The following AGPS variants were observed in gnomAD, a reference collection of about 807,000 sequenced individuals.
AGPS encodes alkylglycerone phosphate synthase, also known as alkyldihydroxyacetonephosphate synthase, peroxisomal.
Under a neutral mutation model 90.7 loss-of-function variants are expected in AGPS, and 26 were observed. The ratio of observed to expected loss-of-function variants is 0.29; its 90% CI spans 0.21 to 0.40. The LOEUF is 0.40. Ranked by LOEUF, AGPS falls within the 10% of genes least tolerant of loss-of-function variation. The probability of loss-of-function intolerance (pLI) is 1.00; values close to 1 mark genes in which losing one functional copy is unlikely to be tolerated. For synonymous variants in AGPS, 294 were observed against 285.3 expected (o/e 1.03, Z -0.31); for missense variants, 540 against 816.1 (o/e 0.66, Z 4.12).
At chr2:177,436,942 C>T (rs1021938690) in intron 4 of AGPS, 38 bp from the exon 5 acceptor site, 14 of 1,610,902 alleles carry the variant, frequency 8.7e-6, no homozygotes, top group Non-Finnish European at 1.2e-5. Context: ...ATATTTTAAG[C>T]TGTTTTTGTG....
chr2:177,398,554 G>C (rs1685247576), intron 1 of AGPS, among the ~76,000 whole-genome samples: 1 of 152,116 alleles, frequency 6.6e-6, no homozygotes, highest in South Asian at 2.1e-4. Flanking sequence ...CTCTATGCTG[G>C]ATTACCACAT....
intron 16 of AGPS, among the ~76,000 whole-genome samples, chr2:177,510,394 T>C (rs558948411): frequency 7.6e-4 from 115 of 152,310 alleles, no homozygotes; most frequent in African/African-American, 2.7e-3. Flanking sequence ...TAATACCATC[T>C]AACTGGGGCT....
Position 177,410,924 on chromosome 2 carries a change from G to T in AGPS, c.261-9345G>T, listed in dbSNP as rs147548191. 3.0e-3 allele frequency among the ~76,000 whole-genome samples: 452 copies of T among 152,260 alleles called. 2 individuals carry two copies. The highest frequency in any genetic ancestry group is 4.8e-3 in the Non-Finnish European group (327 of 68,004). On this transcript the variant is annotated intron_variant, in intron 1 of 19. Transcript: ENST00000264167. ...CCTTGACATAAGGGGCATGGACGAG[G>T]GGGTAGCTTATTTCTATTCGGACAA...
At chr2:177,418,499 C>T (rs946777136) in intron 1 of AGPS, among the ~76,000 whole-genome samples, 1 of 151,924 alleles carries the variant, frequency 6.6e-6, no homozygotes, top group Non-Finnish European at 1.5e-5. Context: ...GAGATTTTTG[C>T]ATTTATTTTG....
chr2:177,499,736 G>A lies in AGPS; in HGVS notation c.1475+6G>A. The A allele has an allele frequency of 6.4e-7, 1 of 1,567,650 alleles. No individual in the cohort carries two copies. The highest frequency in any genetic ancestry group is 8.8e-7 in the Non-Finnish European group (1 of 1,138,404). On this transcript the variant is annotated splice_donor_region_variant and intron_variant, in intron 14 of 19. Transcript: ENST00000264167. The stretch of plus-strand genomic sequence containing the variant: ...GATATTGCTGCAAAATTTGGGTATG[G>A]CTTCAAGTTCATAATGCCAAGAGAA...
intron 17 of AGPS, among the ~76,000 whole-genome samples, chr2:177,519,887 G>A (rs1411484600): frequency 6.6e-6 from 1 of 152,220 alleles, no homozygotes; most frequent in Non-Finnish European, 1.5e-5. Flanking sequence ...CATAGACAGA[G>A]CTGCCCCAAG....
chr2:177,443,076 T>G (rs961893163), intron 7 of AGPS, among the ~76,000 whole-genome samples: 24 of 152,166 alleles, frequency 1.6e-4, no homozygotes, highest in African/African-American at 4.8e-4. Context: ...TTTCTTTTTT[T>G]TCTAGTAGTT....
intron 10 of AGPS, among the ~76,000 whole-genome samples, chr2:177,475,024 GTGAGTTT>G (rs1159518556): frequency 6.6e-6 from 1 of 152,192 alleles, no homozygotes; most frequent in Non-Finnish European, 1.5e-5. Flanking sequence ...TTTCAATCTT[GTGAGTTT>G]TGAGTTTGAT....
rs3770000 is a variant in AGPS, at chr2:177,437,870, G to A, written c.637+816G>A. The stretch of plus-strand genomic sequence containing the variant: ...TACTTTAATGTGGGGGCAAGAGGCA[G>A]GTGAGATACACAGAAGGAAAATCCA... On this transcript the variant is annotated intron_variant, in intron 5 of 19. Coordinates refer to ENST00000264167, the MANE Select transcript of AGPS (RefSeq NM_003659.4). 1.2e-3 allele frequency among the ~76,000 whole-genome samples: 176 copies of A among 152,262 alleles called. 2 individuals carry two copies. The East Asian group carries it at 0.031, about 27-fold the overall frequency.
chr2:177,497,870 G>A (rs1688456455), intron 13 of AGPS, 105 bp downstream of exon 13: 5 of 459,750 alleles, frequency 1.1e-5, no homozygotes, highest in South Asian at 4.9e-5. Flanking sequence ...ATGTTGCTAT[G>A]TACATTTCAG....
In AGPS at chr2:177,409,077, T is replaced by C. The variant is rs568769179; in HGVS notation, c.261-11192T>C. On this transcript the variant is annotated intron_variant, in intron 1 of 19. Transcript: ENST00000264167. ...TGCTTTCTTCTCTTCCCCCAAACTT[T>C]ATGGGGTTCATTTTTTCCATGGGTT... 2.0e-5 allele frequency among the ~76,000 whole-genome samples: 3 copies of C among 152,304 alleles called. No individual in the cohort carries two copies. The South Asian group carries it at 6.2e-4, about 32-fold the overall frequency.
intron 2 of AGPS, among the ~76,000 whole-genome samples, chr2:177,422,086 G>A (rs917276838): frequency 2.6e-5 from 4 of 152,030 alleles, no homozygotes; most frequent in Non-Finnish European, 5.9e-5. Flanking sequence ...TCAGGATCTC[G>A]TTCTTATTTT....
rs1689188801 is a variant in AGPS, at chr2:177,521,386, C to T, written c.1797+18C>T. ...AAACTGAGGTAATTTTGCATACCTG[C>T]ATATAGCTTTTACAGCTGTTGATTA... On this transcript the variant is annotated intron_variant, in intron 18 of 19. Transcript: ENST00000264167. 6.4e-7 allele frequency: 1 copy of T among 1,559,208 alleles called. No individual in the cohort carries two copies. The highest frequency in any genetic ancestry group is 1.4e-5 in the African/African-American group (1 of 73,814).
chr2:177,474,402 C>T (rs1687717101), intron 10 of AGPS, among the ~76,000 whole-genome samples: 1 of 152,180 alleles, frequency 6.6e-6, no homozygotes, highest in Admixed American at 6.5e-5. Flanking sequence ...TGCCAACAGG[C>T]TCCCACCTCA....
At chr2:177,472,468 C>G (rs1365676816) in intron 10 of AGPS, among the ~76,000 whole-genome samples, 3 of 151,474 alleles carry the variant, frequency 2.0e-5, no homozygotes, top group Admixed American at 1.3e-4. Flanking sequence ...TTTTCATATC[C>G]CTGTTGCTTG....
intron 1 of AGPS, among the ~76,000 whole-genome samples, chr2:177,419,962 T>C (rs1209703277): frequency 1.3e-5 from 2 of 151,882 alleles, no homozygotes; most frequent in Non-Finnish European, 3.0e-5. Context: ...CAATAACATG[T>C]ACAAAATGAG....
Position 177,447,944 on chromosome 2 carries a change from A to G in AGPS, c.870+2318A>G, listed in dbSNP as rs191252759. ...AGATTTTAATCGCTTTAACTTGTAA[A>G]TCACATTGATGTTAACATGATAAAA... is the stretch of plus-strand genomic sequence containing the variant. On this transcript the variant is annotated intron_variant, in intron 8 of 19. Coordinates refer to ENST00000264167, the MANE Select transcript of AGPS (RefSeq NM_003659.4). 1.0e-3 allele frequency among the ~76,000 whole-genome samples: 155 copies of G among 152,284 alleles called. 1 individual carries two copies. The highest frequency in any genetic ancestry group is 7.3e-3 in the Admixed American group (111 of 15,298).
chr2:177,537,419 G>A (rs916877043), intron 19 of AGPS, among the ~76,000 whole-genome samples: 1 of 152,026 alleles, frequency 6.6e-6, no homozygotes, highest in Non-Finnish European at 1.5e-5. Flanking sequence ...GATGGATTAG[G>A]TATTTGATTT....
At chr2:177,433,818 G>T (rs1686311346) in intron 2 of AGPS, among the ~76,000 whole-genome samples, 1 of 151,908 alleles carries the variant, frequency 6.6e-6, no homozygotes, top group South Asian at 2.1e-4. Context: ...ATTCCAGTAT[G>T]TATTCTATAC....
Sources: allele counts gnomAD v4.1 joint callset (sites outside exome capture counted in the v4.1 genomes callset), GRCh38; gene constraint gnomAD v4.1.1; transcripts MANE v1.5; gene names NCBI Gene and HGNC (gene_info 2026-07-23, HGNC 2026-07-21).